The following MECOM variants were observed in gnomAD, a reference collection of about 807,000 sequenced individuals.
MECOM encodes MDS1 and EVI1 complex locus, also known as histone-lysine N-methyltransferase MECOM.
In MECOM, 13 loss-of-function variants were observed where a neutral mutation model predicts 116.3. The ratio of observed to expected loss-of-function variants is 0.11; its 90% CI spans 0.07 to 0.18. MECOM has a LOEUF of 0.18. MECOM is among the 10% of genes least tolerant of loss of function. The pLI, the probability that MECOM is intolerant of heterozygous loss-of-function variation, is 1.00. For synonymous variants in MECOM, 528 were observed against 535.2 expected (o/e 0.99, Z 0.19); for missense variants, 1,299 against 1,509.0 (o/e 0.86, Z 2.31).
intron 1 of MECOM, among the ~76,000 whole-genome samples, chr3:169,610,498 C>CGTGTGTGT (rs3045470): frequency 8.6e-5 from 11 of 128,606 alleles, no homozygotes; most frequent in African/African-American, 2.9e-4. Context: ...TGTAATGTTA[C>CGTGTGTGT]GTGTGTGTGT....
At chr3:169,331,904 A>G (rs554692324) in intron 2 of MECOM, among the ~76,000 whole-genome samples, 2 of 152,126 alleles carry the variant, frequency 1.3e-5, no homozygotes, top group East Asian at 3.9e-4. Context: ...AAAAAGAGTC[A>G]GTGAGCAAGT....
At chr3:169,139,157 T>C (rs1170790926) in intron 3 of MECOM, among the ~76,000 whole-genome samples, 1 of 152,132 alleles carries the variant, frequency 6.6e-6, no homozygotes, top group Non-Finnish European at 1.5e-5. Flanking sequence ...GGGGCACTCA[T>C]TCTTCTGTAA....
At chr3:169,463,106 T>C (rs1747726315) in intron 1 of MECOM, among the ~76,000 whole-genome samples, 1 of 152,184 alleles carries the variant, frequency 6.6e-6, no homozygotes. Flanking sequence ...CACACATTTA[T>C]ATGTCTGTGA....
intron 2 of MECOM, among the ~76,000 whole-genome samples, chr3:169,197,221 G>A (rs958322779): frequency 6.6e-5 from 10 of 151,786 alleles, no homozygotes; most frequent in South Asian, 2.1e-4. Context: ...TACTGTGCTC[G>A]TTACCTGGGT....
chr3:169,229,035 G>T (rs1703813061), intron 2 of MECOM, among the ~76,000 whole-genome samples: 1 of 152,142 alleles, frequency 6.6e-6, no homozygotes, highest in African/African-American at 2.4e-5. Context: ...TATGGCCCAA[G>T]CTTTTCACAC....
chr3:169,415,941 C>G (rs890469653), intron 1 of MECOM, among the ~76,000 whole-genome samples: 1 of 151,932 alleles, frequency 6.6e-6, no homozygotes, highest in Admixed American at 6.6e-5. Context: ...ATTTAATACC[C>G]CACCATCAAT....
rs373363350 is a variant in MECOM at position 169,102,012 on chromosome 3, C to T, written c.2771+48G>A. The T allele has an allele frequency of 2.6e-5, 41 of 1,549,252 alleles. No homozygotes were observed. The African/African-American group carries it at 4.4e-4, about 17-fold the overall frequency. ...AACAAACAGCAAGACCTTTTGAAATCAGAGGGGAGATTTCTGGAAAGTCAG... is the reference window on the plus strand; with the variant it reads ...AACAAACAGCAAGACCTTTTGAAATTAGAGGGGAGATTTCTGGAAAGTCAG... On this transcript the variant is annotated intron_variant, in intron 11 of 16. Transcript: ENST00000651503.
At chr3:169,639,387 G>A (rs1348358963) in intron 1 of MECOM, among the ~76,000 whole-genome samples, 1 of 152,102 alleles carries the variant, frequency 6.6e-6, no homozygotes, top group African/African-American at 2.4e-5. Flanking sequence ...TCAAAGTTTT[G>A]GAGAAAATAA....
At chr3:169,182,514 A>G (rs1347301546) in intron 2 of MECOM, among the ~76,000 whole-genome samples, 2 of 152,220 alleles carry the variant, frequency 1.3e-5, no homozygotes, top group African/African-American at 4.8e-5. Context: ...CAGGGATGCT[A>G]TCTAACAACT....
intron 1 of MECOM, among the ~76,000 whole-genome samples, chr3:169,419,206 CA>C (rs1332123089): frequency 6.6e-6 from 1 of 152,140 alleles, no homozygotes; most frequent in Non-Finnish European, 1.5e-5. Context: ...AAGACCTCTT[CA>C]AGGACAACTA....
chr3:169,398,778 G>A (rs562975643), intron 1 of MECOM, among the ~76,000 whole-genome samples: 1 of 152,254 alleles, frequency 6.6e-6, no homozygotes, highest in African/African-American at 2.4e-5. Flanking sequence ...GGGTAGAGGA[G>A]GAAACTAAAC....
chr3:169,272,118 T>C (rs940563850), intron 2 of MECOM, among the ~76,000 whole-genome samples: 1 of 152,338 alleles, frequency 6.6e-6, no homozygotes, highest in African/African-American at 2.4e-5. Flanking sequence ...CAACCATTGA[T>C]CTTCGCTTAT....
At chr3:169,432,524 T>G (rs1741814829) in intron 1 of MECOM, among the ~76,000 whole-genome samples, 1 of 152,230 alleles carries the variant, frequency 6.6e-6, no homozygotes, top group South Asian at 2.1e-4. Context: ...GTAAAGCAGA[T>G]GTCAATGTCT....
At chr3:169,374,083 G>T (rs1254944190) in intron 2 of MECOM, among the ~76,000 whole-genome samples, 1 of 151,464 alleles carries the variant, frequency 6.6e-6, no homozygotes, top group Non-Finnish European at 1.5e-5. Context: ...AATCCAATAG[G>T]ATTAGTGTCC....
chr3:169,117,146 A>T (rs1201263588), intron 7 of MECOM, among the ~76,000 whole-genome samples: 2 of 152,180 alleles, frequency 1.3e-5, no homozygotes, highest in African/African-American at 4.8e-5. Flanking sequence ...ACCCCTTTCA[A>T]ATTTTAGAGT....
chr3:169,259,807 A>C (rs956689593), intron 2 of MECOM, among the ~76,000 whole-genome samples: 1 of 152,234 alleles, frequency 6.6e-6, no homozygotes, highest in African/African-American at 2.4e-5. Context: ...TCAACGAAGA[A>C]TGTGTTTGCT....
chr3:169,504,192 T>TGTGTGTGTGTGTGTGTG (rs1560366032), intron 1 of MECOM, among the ~76,000 whole-genome samples: 8 of 144,994 alleles, frequency 5.5e-5, no homozygotes, highest in South Asian at 2.2e-4. Flanking sequence ...TGTGTGTGTG[T>TGTGTGTGTGTGTGTGTG]TTAAATTAAA....
intron 2 of MECOM, among the ~76,000 whole-genome samples, chr3:169,228,376 G>A (rs369299981): frequency 9.9e-5 from 15 of 152,234 alleles, no homozygotes; most frequent in African/African-American, 3.1e-4. Flanking sequence ...TGATGCAGGC[G>A]TATGTTACGA....
At chr3:169,117,502 C>T (rs922741771) in intron 7 of MECOM, among the ~76,000 whole-genome samples, 1 of 152,236 alleles carries the variant, frequency 6.6e-6, no homozygotes, top group African/African-American at 2.4e-5. Flanking sequence ...TCCCCTCACA[C>T]CAGTGGTTGT....
Sources: gnomAD v4.1 joint callset for allele counts (sites outside exome capture counted in the v4.1 genomes callset) on GRCh38, gnomAD v4.1.1 for gene constraint, MANE v1.5 for transcripts, NCBI Gene and HGNC (gene_info 2026-07-23, HGNC 2026-07-21) for gene names.